The following WWP2 variants were observed in gnomAD, a reference collection of about 807,000 sequenced individuals.
WWP2 encodes the protein WW domain containing E3 ubiquitin protein ligase 2, also known as NEDD4-like E3 ubiquitin-protein ligase WWP2.
WWP2 carries 57 observed loss-of-function variants against 121.0 expected under a neutral mutation model. The observed-to-expected ratio is 0.47, with a 90% CI of 0.38 to 0.59. The LOEUF is 0.59. WWP2 is among the 20% of genes least tolerant of loss of function. The pLI is 0.00. For synonymous variants in WWP2, 449 were observed against 441.3 expected (o/e 1.02, Z -0.22); for missense variants, 962 against 1,158.9 (o/e 0.83, Z 2.47).
intron 6 of WWP2, among the ~76,000 whole-genome samples, chr16:69,854,058 G>A (rs1174403328): frequency 6.6e-6 from 1 of 152,236 alleles, no homozygotes; most frequent in Non-Finnish European, 1.5e-5. Flanking sequence ...GAACCACAGG[G>A]CCACAATAAG....
At chr16:69,857,873 T>C (rs1367946878) in intron 6 of WWP2, among the ~76,000 whole-genome samples, 2 of 151,964 alleles carry the variant, frequency 1.3e-5, no homozygotes, top group Non-Finnish European at 2.9e-5. Flanking sequence ...CTGTGTTGCC[T>C]AGTCTGGTCT....
At chr16:69,813,468 T>C (rs1360130732) in intron 4 of WWP2, among the ~76,000 whole-genome samples, 1 of 151,926 alleles carries the variant, frequency 6.6e-6, no homozygotes, top group Non-Finnish European at 1.5e-5. Context: ...AGCCTTTTTT[T>C]TGTTGTTTTT....
intron 8 of WWP2, among the ~76,000 whole-genome samples, chr16:69,900,201 G>A (rs748833983): frequency 2.6e-4 from 40 of 152,154 alleles, no homozygotes; most frequent in Non-Finnish European, 5.9e-5. Flanking sequence ...ATAATTAAAC[G>A]GTATTCACAT....
intron 2 of WWP2, among the ~76,000 whole-genome samples, chr16:69,797,152 C>T (rs888694192): frequency 2.6e-5 from 4 of 152,254 alleles, no homozygotes; most frequent in East Asian, 1.9e-4. Context: ...TCTAGCTCCT[C>T]GGTGTGATGC....
chr16:69,905,576 A>C (rs998673050), intron 8 of WWP2, among the ~76,000 whole-genome samples: 1 of 152,226 alleles, frequency 6.6e-6, no homozygotes, highest in African/African-American at 2.4e-5. Context: ...TATTCTGCAG[A>C]TATTCCAAAA....
At chr16:69,883,516 C>T (rs976271392) in intron 7 of WWP2, among the ~76,000 whole-genome samples, 2 of 152,000 alleles carry the variant, frequency 1.3e-5, no homozygotes, top group African/African-American at 4.8e-5. Flanking sequence ...GATATCTAGC[C>T]TTCATATTTT....
At chr16:69,923,404 T>C (rs761211622) in intron 10 of WWP2, among the ~76,000 whole-genome samples, 2 of 132,116 alleles carry the variant, frequency 1.5e-5, no homozygotes, top group Non-Finnish European at 3.2e-5. Flanking sequence ...AGAGCCAACA[T>C]TGCATGAAGG....
chr16:69,909,410 G>A (rs780073902), intron 9 of WWP2: 8 of 985,792 alleles, frequency 8.1e-6, no homozygotes, highest in Non-Finnish European at 9.6e-6. Flanking sequence ...CCTGCCCTGA[G>A]TTTGTGGAGG....
rs187871753 is a variant in WWP2 at position 69,884,719 on chromosome 16, C to G, written c.704-3320C>G. Among the ~76,000 whole-genome samples, 72 of 152,276 alleles carry G rather than the reference C, an allele frequency of 4.7e-4. 1 individual carries two copies. Among genetic ancestry groups the G allele is most frequent in the African/African-American group, 1.6e-3 (65 of 41,562 alleles). Reference sequence around the variant, plus strand: ...AAGATTCTTAAACAAAATGAAACCTCATTGTTCATTTTTAGAGGATGCAAG... The same window carrying G: ...AAGATTCTTAAACAAAATGAAACCTGATTGTTCATTTTTAGAGGATGCAAG... On this transcript the variant is annotated intron_variant, in intron 7 of 23. Coordinates refer to ENST00000359154, the MANE Select transcript of WWP2 (RefSeq NM_001270454.2).
chr16:69,866,503 G>T (rs74370962), intron 6 of WWP2, among the ~76,000 whole-genome samples: 1 of 151,684 alleles, frequency 6.6e-6, no homozygotes, highest in East Asian at 1.9e-4. Context: ...CCATCATCCC[G>T]CTTTCTCACT....
rs11862482 is a variant in WWP2 at position 69,765,594 on chromosome 16, C to T, written c.-16+3203C>T. The stretch of plus-strand genomic sequence containing the variant: ...ATTCCAGAACTTTTGGAGGCTGAGA[C>T]GGGCGGATCACTTGAGGTCAGGATT... On this transcript the variant is annotated intron_variant, in intron 1 of 23. Transcript: ENST00000359154. 3.5e-3 allele frequency among the ~76,000 whole-genome samples: 536 copies of T among 152,248 alleles called. 4 individuals are homozygous for T. Among genetic ancestry groups the T allele is most frequent in the African/African-American group, 0.012 (514 of 41,532 alleles).
intron 1 of WWP2, among the ~76,000 whole-genome samples, chr16:69,779,395 A>G (rs1167562144): frequency 6.6e-6 from 1 of 152,274 alleles, no homozygotes; most frequent in East Asian, 1.9e-4. Context: ...TTACTGTTAT[A>G]TAAGCAGTGG....
At chr16:69,936,758 T>A (rs957368702) in intron 19 of WWP2, 25 of 498,924 alleles carry the variant, frequency 5.0e-5, no homozygotes, top group South Asian at 4.9e-4. Context: ...GCCGAAAGGA[T>A]CTCTGTGGCC....
At chr16:69,765,226 A>T (rs2038702306) in intron 1 of WWP2, among the ~76,000 whole-genome samples, 1 of 151,944 alleles carries the variant, frequency 6.6e-6, no homozygotes, top group African/African-American at 2.4e-5. Flanking sequence ...AAAAAGAAAA[A>T]AAGTTTCACC....
At chr16:69,771,682 C>T (rs780734762) in intron 1 of WWP2, among the ~76,000 whole-genome samples, 11 of 152,146 alleles carry the variant, frequency 7.2e-5, no homozygotes, top group Non-Finnish European at 1.5e-4. Context: ...TGCTGAAAAA[C>T]AATTCTCTTT....
chr16:69,919,481 C>A (rs1173484576), intron 10 of WWP2, among the ~76,000 whole-genome samples: 1 of 152,034 alleles, frequency 6.6e-6, no homozygotes, highest in Non-Finnish European at 1.5e-5. Flanking sequence ...TTTAAATTTT[C>A]TCGTCCAGAA....
intron 13 of WWP2, among the ~76,000 whole-genome samples, chr16:69,930,845 C>T (rs1015365465): frequency 6.6e-6 from 1 of 152,194 alleles, no homozygotes; most frequent in African/African-American, 2.4e-5. Flanking sequence ...GCACTGCAGC[C>T]TGGGTGACAG....
At chr16:69,868,910 G>C (rs149034347) in intron 6 of WWP2, among the ~76,000 whole-genome samples, 4 of 152,278 alleles carry the variant, frequency 2.6e-5, no homozygotes, top group Non-Finnish European at 5.9e-5. Context: ...TGTTGAGACA[G>C]AGTCTCTCTC....
At chr16:69,807,171 G>A (rs890577022) in intron 4 of WWP2, among the ~76,000 whole-genome samples, 2 of 151,858 alleles carry the variant, frequency 1.3e-5, no homozygotes, top group Middle Eastern at 3.4e-3. Flanking sequence ...TGGTAGCTGG[G>A]GTTACAGGCA....
Sources: gnomAD v4.1 joint callset for allele counts (sites outside exome capture counted in the v4.1 genomes callset) on GRCh38, gnomAD v4.1.1 for gene constraint, MANE v1.5 for transcripts, NCBI Gene and HGNC (gene_info 2026-07-23, HGNC 2026-07-21) for gene names.